SIRPA: variants seen among roughly 807,000 people sequenced by gnomAD.
The protein encoded by SIRPA is signal regulatory protein alpha.
SIRPA carries 9 observed loss-of-function variants against 50.3 expected under a neutral mutation model. The ratio of observed to expected loss-of-function variants is 0.18; its 90% CI spans 0.11 to 0.31. The LOEUF (loss-of-function observed/expected upper bound fraction) is 0.31. Ranked by LOEUF, SIRPA falls within the 10% of genes least tolerant of loss-of-function variation. The probability of loss-of-function intolerance (pLI) is 1.00; values close to 1 mark genes in which losing one functional copy is unlikely to be tolerated. For missense variants in SIRPA, 474 were observed against 661.6 expected (o/e 0.72, Z 3.11); for synonymous variants, 265 against 284.1 (o/e 0.93, Z 0.68).
rs776815133 is a variant in SIRPA at position 1,915,367 on chromosome 20, C to T, written c.348C>T (p.Ala116=). ...TCGGTAACATCACCCCAGCAGATGCCGGCACCTACTACTGTGTGAAGTTCC... is the reference window on the plus strand; with the variant it reads ...TCGGTAACATCACCCCAGCAGATGCTGGCACCTACTACTGTGTGAAGTTCC... ...IRIGNITPAD[A]GTYYCVKFRK... Residue 116 remains alanine (A), a synonymous_variant, in exon 2 of 8, where the codon GCC becomes GCT. Transcript: ENST00000358771. The T allele has an allele frequency of 6.8e-6, 11 of 1,611,200 alleles. No individual in the cohort carries two copies. Among genetic ancestry groups the T allele is most frequent in the East Asian group, 2.2e-5 (1 of 44,596 alleles).
intron 1 of SIRPA, among the ~76,000 whole-genome samples, chr20:1,911,539 C>T (rs1010475788): frequency 2.6e-5 from 4 of 152,200 alleles, no homozygotes; most frequent in East Asian, 3.9e-4. Flanking sequence ...GGGGATAGGC[C>T]GTAATTCACT....
Position 1,907,296 on chromosome 20 carries a change from C to T in SIRPA, c.80-7803C>T, listed in dbSNP as rs368582564. 6.6e-5 allele frequency among the ~76,000 whole-genome samples: 10 copies of T among 152,204 alleles called. No individual in the cohort carries two copies. In the East Asian group the frequency reaches 9.6e-4, roughly 15 times the overall value. On this transcript the variant is annotated intron_variant, in intron 1 of 7. Transcript: ENST00000358771. ...ATGCAGGTAGCAGTTTCTATCACAG[C>T]ACCTGGTTTGTCCCTGCCCAATGGG...
Position 1,926,089 on chromosome 20 carries a change from T to C in SIRPA, c.1201+1212T>C, listed in dbSNP as rs374284794. ...GGGCACATTGTACACTAATCACGCA[T>C]CCCTTCAGTAGCTCCTTCACCTCTG... On this transcript the variant is annotated intron_variant, in intron 5 of 7. Transcript: ENST00000358771. 2.0e-4 allele frequency among the ~76,000 whole-genome samples: 31 copies of C among 152,294 alleles called. No homozygotes were observed. In the East Asian group the frequency reaches 5.6e-3, roughly 28 times the overall value.
chr20:1,929,187 A>T (rs543176743), intron 6 of SIRPA, among the ~76,000 whole-genome samples: 1 of 152,190 alleles, frequency 6.6e-6, no homozygotes, highest in Admixed American at 6.5e-5. Flanking sequence ...GAACCAAAAG[A>T]TGGACACGAT....
At position 1,927,899 on chromosome 20, in the gene SIRPA, G is replaced by C; in HGVS notation, c.1226G>C (p.Arg409Thr). 1 of 1,613,754 alleles carries C rather than the reference G, an allele frequency of 6.2e-7. No homozygotes were observed. Among genetic ancestry groups the C allele is most frequent in the Non-Finnish European group, 8.5e-7 (1 of 1,179,628 alleles). ...KKAQGSTSST[R>T]LHEPEKNARE... ...GCCCAGGGCTCCACTTCTTCTACAAGGTAAGTGCATCATTGGTCCAGACCC... is the reference window on the plus strand; with the variant it reads ...GCCCAGGGCTCCACTTCTTCTACAACGTAAGTGCATCATTGGTCCAGACCC... The change falls in exon 6 of 8, where the codon AGG becomes ACG. Residue 409 changes from arginine to threonine, a missense_variant and splice_region_variant. Arg to Thr is a moderately conservative substitution (Grantham distance 71). Coordinates refer to ENST00000358771, the MANE Select transcript of SIRPA (RefSeq NM_001040023.2). This position sits in a 1 kb window ranked among gnomAD's most constrained non-coding sequence, Gnocchi z 6.5.
At chr20:1,907,471 C>G (rs1055187938) in intron 1 of SIRPA, among the ~76,000 whole-genome samples, 1 of 152,230 alleles carries the variant, frequency 6.6e-6, no homozygotes, top group African/African-American at 2.4e-5. Flanking sequence ...TCCAAGGACT[C>G]TACCCTGAGT....
At chr20:1,900,993 A>G (rs1207293901) in intron 1 of SIRPA, among the ~76,000 whole-genome samples, 1 of 152,048 alleles carries the variant, frequency 6.6e-6, no homozygotes, top group Non-Finnish European at 1.5e-5. Context: ...GATGTGGATA[A>G]CCACTGTCGG....
rs899511023 is a variant in SIRPA, at chr20:1,940,449, G to A, written c.*2881G>A. The A allele has an allele frequency of 6.6e-6, 1 of 152,192 alleles. No homozygotes were observed. The highest frequency in any genetic ancestry group is 2.4e-5 in the African/African-American group (1 of 41,430). The allele number at this position is 152,192 out of a possible 1,614,324, so 9.4% of individuals were successfully genotyped here. A position where few individuals can be genotyped will look rare whatever the true frequency, so the allele number is the denominator to read the frequency against. Reference sequence around the variant, plus strand: ...AATGCAGACATCTAATGCTTGTCCTGTAATATCCTTGCCAGATGACTGATG... The same window carrying A: ...AATGCAGACATCTAATGCTTGTCCTATAATATCCTTGCCAGATGACTGATG... On this transcript the variant is annotated 3_prime_UTR_variant, in exon 8 of 8. Coordinates refer to ENST00000358771, the MANE Select transcript of SIRPA (RefSeq NM_001040023.2).
intron 6 of SIRPA, among the ~76,000 whole-genome samples, chr20:1,929,639 G>A (rs1463131231): frequency 6.6e-6 from 1 of 152,058 alleles, no homozygotes; most frequent in Admixed American, 6.5e-5. Context: ...TCTCCACAGG[G>A]GGCCTCCTGG....
intron 6 of SIRPA, among the ~76,000 whole-genome samples, chr20:1,929,974 C>T (rs1986206837): frequency 6.6e-6 from 1 of 152,136 alleles, no homozygotes; most frequent in Admixed American, 6.5e-5. Flanking sequence ...GGCTCAACCA[C>T]ACTGTGCTCC....
intron 1 of SIRPA, among the ~76,000 whole-genome samples, chr20:1,906,139 T>C (rs1389151314): frequency 1.3e-5 from 2 of 152,062 alleles, no homozygotes; most frequent in East Asian, 1.9e-4. Flanking sequence ...AGTATTGTTA[T>C]CATCATCATC....
chr20:1,926,805 A>G (rs916009637), intron 5 of SIRPA, among the ~76,000 whole-genome samples: 1 of 151,600 alleles, frequency 6.6e-6, no homozygotes, highest in East Asian at 1.9e-4. Flanking sequence ...CTTGCACACT[A>G]CCTCCCTCCG....
At chr20:1,899,476 T>C (rs926701672) in intron 1 of SIRPA, among the ~76,000 whole-genome samples, 1 of 152,226 alleles carries the variant, frequency 6.6e-6, no homozygotes, top group African/African-American at 2.4e-5. Flanking sequence ...ATTTGATTTG[T>C]AGTATGCCCG....
Position 1,937,539 on chromosome 20 carries a change from T to C in SIRPA, c.1486T>C (p.Tyr496His), listed in dbSNP as rs1986660445. The change falls in exon 8 of 8, where the codon TAC becomes CAC. Residue 496 changes from tyrosine (Y) to histidine (H), a missense_variant. Tyr to His is a moderately conservative substitution (Grantham distance 83). Coordinates refer to ENST00000358771, the MANE Select transcript of SIRPA (RefSeq NM_001040023.2). The surrounding 1 kb of genome is among the most constrained non-coding windows in gnomAD (Gnocchi z 8.3). ...APKPEPSFSE[Y>H]ASVQVPRK ...CAAGCCTGAGCCGTCCTTCTCAGAG[T>C]ACGCCAGCGTCCAGGTCCCGAGGAA... 4 of 1,614,026 alleles carry C rather than the reference T, an allele frequency of 2.5e-6. No homozygotes were observed. The highest frequency in any genetic ancestry group is 3.4e-6 in the Non-Finnish European group (4 of 1,180,012).
chr20:1,920,093 T>C (rs1985558720), intron 2 of SIRPA, among the ~76,000 whole-genome samples: 1 of 152,210 alleles, frequency 6.6e-6, no homozygotes, highest in Admixed American at 6.5e-5. Context: ...GCCCTGGGCC[T>C]CTCTGAGCTT....
In SIRPA at chr20:1,937,013, T is replaced by C. The variant is rs534145581; in HGVS notation, c.1267-307T>C. ...ATGAACATGAGAAATGGGTGAAGAC[T>C]GCAGGTGGTTCAGGCTAGGAGGAGG... On this transcript the variant is annotated intron_variant, in intron 7 of 7. Transcript: ENST00000358771. This position sits in a 1 kb window ranked among gnomAD's most constrained non-coding sequence, Gnocchi z 8.3. 7.9e-5 allele frequency among the ~76,000 whole-genome samples: 12 copies of C among 152,208 alleles called. No homozygotes were observed. In the East Asian group the frequency reaches 2.3e-3, roughly 29 times the overall value.
At chr20:1,897,240 TC>T (rs1600385306) in intron 1 of SIRPA, among the ~76,000 whole-genome samples, 1 of 152,156 alleles carries the variant, frequency 6.6e-6, no homozygotes. Flanking sequence ...CCATAAAACT[TC>T]CGTTCCAATC....
At chr20:1,899,702 C>T (rs559570795) in intron 1 of SIRPA, among the ~76,000 whole-genome samples, 1 of 152,296 alleles carries the variant, frequency 6.6e-6, no homozygotes, top group South Asian at 2.1e-4. Flanking sequence ...TCCACGCAGA[C>T]ACACACCCTG....
chr20:1,895,325 C>T, upstream of SIRPA: 2 of 456,530 alleles, frequency 4.4e-6, no homozygotes, highest in Non-Finnish European at 6.1e-6. Flanking sequence ...GTTCCGGAGT[C>T]GGGGGGAGGC....
Sources: allele counts gnomAD v4.1 joint callset (sites outside exome capture counted in the v4.1 genomes callset), GRCh38; gene constraint gnomAD v4.1.1; non-coding constraint Gnocchi (gnomAD v3.1); transcripts MANE v1.5; gene names NCBI Gene and HGNC (gene_info 2026-07-23, HGNC 2026-07-21).